Variants in FRMPD4 observed in about 807,000 individuals in gnomAD.
FRMPD4 encodes FERM and PDZ domain-containing protein 4.
Under a neutral mutation model 94.1 loss-of-function variants are expected in FRMPD4, and 22 were observed. The observed-to-expected ratio is 0.23, with a 90% CI of 0.17 to 0.33. The LOEUF (loss-of-function observed/expected upper bound fraction) is 0.33. Among genes scored for constraint, FRMPD4 ranks in the 10% least tolerant of loss-of-function variants. The pLI is 1.00. For synonymous variants in FRMPD4, 631 were observed against 548.6 expected (o/e 1.15, Z -2.10); for missense variants, 1,111 against 1,339.9 (o/e 0.83, Z 2.67).
chrX:12,553,474 C>T (rs1326735062), intron 2 of FRMPD4, among the ~76,000 whole-genome samples: 1 of 60,198 alleles, frequency 1.7e-5, no homozygotes. Flanking sequence ...ATATCTAATC[C>T]ACTAATTTAT....
At chrX:12,042,228 T>C (rs1247184509) in intron 3 of FRMPD4, among the ~76,000 whole-genome samples, 2 of 110,951 alleles carry the variant, frequency 1.8e-5, no homozygotes, top group Non-Finnish European at 3.8e-5. Context: ...TTTTTTTTTT[T>C]TCCCAGAGTG....
chrX:12,555,385 A>ATTCT (rs1242766203), intron 2 of FRMPD4, among the ~76,000 whole-genome samples: 1 of 111,901 alleles, frequency 8.9e-6, no homozygotes, highest in Non-Finnish European at 1.9e-5. Flanking sequence ...AGACTTAATT[A>ATTCT]TTCTTTTATA....
intron 1 of FRMPD4, among the ~76,000 whole-genome samples, chrX:11,824,658 G>C (rs778889292): frequency 8.9e-6 from 1 of 112,075 alleles, no homozygotes; most frequent in South Asian, 3.7e-4. Context: ...AAATCAGAAA[G>C]AGGAGGAGAA....
At chrX:12,696,189 A>G (rs2060126536) in intron 9 of FRMPD4, among the ~76,000 whole-genome samples, 1 of 112,392 alleles carries the variant, frequency 8.9e-6, no homozygotes, top group African/African-American at 3.2e-5. Context: ...TTTGATGCTT[A>G]AATTATTCTG....
chrX:12,559,459 G>A (rs993992477), intron 2 of FRMPD4, among the ~76,000 whole-genome samples: 1 of 111,082 alleles, frequency 9.0e-6, no homozygotes. Context: ...AGACAAGCCT[G>A]GCCAACATAG....
intron 3 of FRMPD4, among the ~76,000 whole-genome samples, chrX:11,971,863 A>T (rs2054342029): frequency 8.9e-6 from 1 of 112,599 alleles, no homozygotes; most frequent in South Asian, 3.6e-4. Flanking sequence ...ATATACTGCA[A>T]TATTACAAAT....
intron 1 of FRMPD4, among the ~76,000 whole-genome samples, chrX:12,167,399 T>C (rs2056139652): frequency 8.9e-6 from 1 of 111,850 alleles, no homozygotes; most frequent in Non-Finnish European, 1.9e-5. Flanking sequence ...CTAGTTTGAT[T>C]GCACTGTGGT....
intron 5 of FRMPD4, among the ~76,000 whole-genome samples, chrX:12,681,504 T>A (rs1227163849): frequency 8.9e-6 from 1 of 111,835 alleles, no homozygotes; most frequent in Non-Finnish European, 1.9e-5. Context: ...TTTGTTTGTT[T>A]GTTTTTTAAA....
intron 2 of FRMPD4, among the ~76,000 whole-genome samples, chrX:12,565,438 C>T (rs373203676): frequency 8.0e-5 from 9 of 112,071 alleles, no homozygotes; most frequent in African/African-American, 2.9e-4. Flanking sequence ...ATAGCAGACA[C>T]CACTGACATA....
At chrX:12,432,636 G>T (rs2057023008) in intron 1 of FRMPD4, among the ~76,000 whole-genome samples, 1 of 112,221 alleles carries the variant, frequency 8.9e-6, no homozygotes, top group South Asian at 3.8e-4. Context: ...CAGTCTCTCA[G>T]TAGGGACGCC....
intron 1 of FRMPD4, among the ~76,000 whole-genome samples, chrX:12,279,855 G>A (rs1474719319): frequency 9.0e-6 from 1 of 110,781 alleles, no homozygotes; most frequent in East Asian, 2.8e-4. Flanking sequence ...CTGGAGAGGA[G>A]CACCATGGCC....
chrX:12,669,970 G>T (rs775501450), intron 4 of FRMPD4, among the ~76,000 whole-genome samples: 1 of 112,043 alleles, frequency 8.9e-6, no homozygotes, highest in Non-Finnish European at 1.9e-5. Context: ...TCTAATACAG[G>T]GTCTATGCTT....
intron 4 of FRMPD4, among the ~76,000 whole-genome samples, chrX:12,648,291 G>C (rs186627591): frequency 2.9e-3 from 320 of 111,515 alleles, no homozygotes; most frequent in Non-Finnish European, 4.4e-3. Flanking sequence ...ATACTTGCTG[G>C]TATACTTTTC....
chrX:12,185,254 C>T (rs2056410181), intron 1 of FRMPD4, among the ~76,000 whole-genome samples: 1 of 111,853 alleles, frequency 8.9e-6, no homozygotes, highest in South Asian at 3.7e-4. Flanking sequence ...TCAGCTCCGA[C>T]TTTAAAAGGA....
At chrX:12,080,839 C>T (rs1238265108) in intron 3 of FRMPD4, among the ~76,000 whole-genome samples, 3 of 112,157 alleles carry the variant, frequency 2.7e-5, no homozygotes, top group African/African-American at 9.7e-5. Context: ...TCTTCAGCAA[C>T]TCTGCTAAAC....
intron 1 of FRMPD4, among the ~76,000 whole-genome samples, chrX:12,365,751 G>C (rs895883514): frequency 1.8e-5 from 2 of 112,168 alleles, no homozygotes; most frequent in African/African-American, 6.5e-5. Context: ...GCAGGGGCAG[G>C]GGGCAACCAA....
chrX:12,366,097 G>A (rs1458738456), intron 1 of FRMPD4, among the ~76,000 whole-genome samples: 1 of 112,248 alleles, frequency 8.9e-6, no homozygotes, highest in Non-Finnish European at 1.9e-5. Flanking sequence ...AAGCTGCTGA[G>A]TTGGCCTTGG....
intron 2 of FRMPD4, among the ~76,000 whole-genome samples, chrX:12,576,442 G>A (rs1196532483): frequency 8.9e-6 from 1 of 112,775 alleles, no homozygotes; most frequent in Non-Finnish European, 1.9e-5. Context: ...ACAGGAGGCA[G>A]TCATCTGTCC....
At chrX:11,844,205 T>C (rs1180358560) in intron 1 of FRMPD4, among the ~76,000 whole-genome samples, 10 of 106,760 alleles carry the variant, frequency 9.4e-5, no homozygotes, top group African/African-American at 2.7e-4. Flanking sequence ...CTATGTTAGC[T>C]AAGCTGGCCT....
Sources: gnomAD v4.1 joint callset for allele counts (sites outside exome capture counted in the v4.1 genomes callset) on GRCh38, gnomAD v4.1.1 for gene constraint, MANE v1.5 for transcripts, NCBI Gene and HGNC (gene_info 2026-07-23, HGNC 2026-07-21) for gene names.